RASA3: variants seen among roughly 807,000 people sequenced by gnomAD.
RASA3 encodes the protein ras GTPase-activating protein 3.
RASA3 carries 73 observed loss-of-function variants against 110.0 expected under a neutral mutation model. That is an observed-to-expected ratio of 0.66 (90% CI 0.55 to 0.81). The LOEUF (loss-of-function observed/expected upper bound fraction) is 0.81, where lower values mean the gene tolerates loss of function less well. RASA3 is among the 30% of genes least tolerant of loss of function. RASA3 has a pLI of 0.00. For missense variants in RASA3, 976 were observed against 1,113.2 expected (o/e 0.88, Z 1.75); for synonymous variants, 500 against 451.4 (o/e 1.11, Z -1.37).
At chr13:114,075,528 G>T (rs34743346) in intron 1 of RASA3, among the ~76,000 whole-genome samples, 1 of 67,798 alleles carries the variant, frequency 1.5e-5, no homozygotes, top group Non-Finnish European at 3.0e-5. Flanking sequence ...CGTATCTCTG[G>T]GTGTGGAGGC....
chr13:114,021,611 C>T, intron 8 of RASA3, 103 bp from the exon 9 acceptor site: 2 of 856,970 alleles, frequency 2.3e-6, no homozygotes, highest in Non-Finnish European at 3.7e-6. Flanking sequence ...ATGGAGCCTG[C>T]AGCGCCTCCC....
chr13:114,039,033 C>T (rs546642964), intron 4 of RASA3, among the ~76,000 whole-genome samples: 10 of 152,376 alleles, frequency 6.6e-5, no homozygotes, highest in South Asian at 4.1e-4. Context: ...CATACCAGCA[C>T]GCTTCACAAA....
intron 20 of RASA3, 33 bp downstream of exon 20, chr13:113,999,552 C>G (rs2053334302): frequency 1.3e-6 from 2 of 1,586,392 alleles, no homozygotes; most frequent in Non-Finnish European, 1.7e-6. Flanking sequence ...CAGGCCTCAA[C>G]CCGAAAGAGA....
chr13:113,995,253 C>A (rs2053205497), intron 21 of RASA3, among the ~76,000 whole-genome samples: 1 of 152,248 alleles, frequency 6.6e-6, no homozygotes, highest in Non-Finnish European at 1.5e-5. Flanking sequence ...TTCCCGCTGT[C>A]CTGGGATGCG....
In RASA3 at chr13:114,024,251, T is replaced by G. The variant is rs201756840; in HGVS notation, c.680+28A>C. 179 of 1,607,948 alleles carry G rather than the reference T, an allele frequency of 1.1e-4. 1 individual carries two copies. The African/African-American group carries it at 2.1e-3, about 19-fold the overall frequency. On this transcript the variant is annotated intron_variant, in intron 8 of 23. Coordinates refer to ENST00000334062, the MANE Select transcript of RASA3 (RefSeq NM_007368.4). ...AGGAGTTTGGGTGAAAACTGCCAAGTTGGGGACGCGGAGCCTGGTTTTCTC... is the reference window on the plus strand; with the variant it reads ...AGGAGTTTGGGTGAAAACTGCCAAGGTGGGGACGCGGAGCCTGGTTTTCTC...
intron 14 of RASA3, among the ~76,000 whole-genome samples, chr13:114,013,950 CTGTCTCTCTCTCTCTCTCTCCGTCTCG>C (rs2053726192): frequency 1.2e-5 from 1 of 81,510 alleles, no homozygotes; most frequent in African/African-American, 6.8e-5. Flanking sequence ...CTCTATCTCT[CTGTCTCTCTCTCTCTCTCTCCGTCTCG>C]ATCTCTCTCT....
intron 2 of RASA3, among the ~76,000 whole-genome samples, chr13:114,054,387 C>T (rs1452571618): frequency 2.0e-5 from 3 of 152,146 alleles, no homozygotes; most frequent in Non-Finnish European, 2.9e-5. Flanking sequence ...CCAGGAGATA[C>T]GGCACAGGCA....
chr13:114,064,880 T>A (rs13378819), intron 2 of RASA3, among the ~76,000 whole-genome samples: 3,828 of 152,328 alleles, frequency 0.025, 170 homozygotes, highest in African/African-American at 0.087. Flanking sequence ...AAAGAAAAAG[T>A]GCGGCCTGAG....
intron 2 of RASA3, among the ~76,000 whole-genome samples, chr13:114,060,831 T>C (rs981402638): frequency 6.6e-6 from 1 of 152,184 alleles, no homozygotes; most frequent in African/African-American, 2.4e-5. Flanking sequence ...TGAGGCTCCC[T>C]GTGAAGAGCA....
At chr13:114,077,782 G>C (rs181589712) in intron 1 of RASA3, 3 of 965,226 alleles carry the variant, frequency 3.1e-6, no homozygotes, top group African/African-American at 1.8e-5. Context: ...CTCCCTCCCC[G>C]CCCGATGGCC....
chr13:114,030,881 G>A (rs2054151830), intron 4 of RASA3, among the ~76,000 whole-genome samples: 1 of 152,096 alleles, frequency 6.6e-6, no homozygotes. Context: ...GTCTACCTGT[G>A]TGCGTGCAAC....
At chr13:114,005,754 G>C in intron 18 of RASA3, among the ~76,000 whole-genome samples, 1 of 150,762 alleles carries the variant, frequency 6.6e-6, no homozygotes. Flanking sequence ...CTCCGGCCCT[G>C]CCGGATGCCA....
intron 16 of RASA3, among the ~76,000 whole-genome samples, chr13:114,010,832 C>T (rs2053622900): frequency 7.4e-5 from 1 of 13,566 alleles, no homozygotes; most frequent in South Asian, 2.5e-3. Flanking sequence ...TGACGAGGAG[C>T]CTCCAGCACC....
chr13:113,999,099 C>G (rs9590439), intron 20 of RASA3, among the ~76,000 whole-genome samples: 1 of 22,512 alleles, frequency 4.4e-5, no homozygotes, highest in African/African-American at 2.7e-4. Flanking sequence ...GGAACGAGGC[C>G]ACACGTGGGC....
chr13:114,102,337 C>T (rs909810235), intron 1 of RASA3, among the ~76,000 whole-genome samples: 1 of 152,040 alleles, frequency 6.6e-6, no homozygotes, highest in African/African-American at 2.4e-5. Flanking sequence ...CCGAACCAGA[C>T]TGTCGGACCT....
intron 1 of RASA3, among the ~76,000 whole-genome samples, chr13:114,074,700 C>T (rs542251693): frequency 3.2e-4 from 48 of 152,246 alleles, no homozygotes; most frequent in Admixed American, 3.0e-3. Context: ...CTCCTTCAAG[C>T]CCACAGAGAC....
intron 20 of RASA3, 107 bp downstream of exon 20, chr13:113,999,478 G>C (rs1057494595): frequency 6.0e-6 from 5 of 828,450 alleles, no homozygotes; most frequent in Non-Finnish European, 8.3e-6. Flanking sequence ...GAAGCCTGGA[G>C]TGCAGTGGGT....
At chr13:114,121,222 C>T (rs2080370771) in intron 1 of RASA3, among the ~76,000 whole-genome samples, 1 of 152,226 alleles carries the variant, frequency 6.6e-6, no homozygotes, top group Admixed American at 6.5e-5. Context: ...AGGAGGCCAC[C>T]CGCGGGGCAT....
chr13:114,003,924 T>G (rs2053458503), intron 18 of RASA3, among the ~76,000 whole-genome samples: 1 of 152,230 alleles, frequency 6.6e-6, no homozygotes, highest in South Asian at 2.1e-4. Context: ...TTGCCATTAC[T>G]CCTTCTGCCA....
Sources: allele counts gnomAD v4.1 joint callset (sites outside exome capture counted in the v4.1 genomes callset), GRCh38; gene constraint gnomAD v4.1.1; transcripts MANE v1.5; gene names NCBI Gene and HGNC (gene_info 2026-07-23, HGNC 2026-07-21).